ITPR1: variants seen among roughly 807,000 people sequenced by gnomAD.
ITPR1 encodes inositol 1,4,5-trisphosphate receptor type 1, also known as inositol 1,4,5-trisphosphate-gated calcium channel ITPR1.
ITPR1 carries 96 observed loss-of-function variants against 318.4 expected under a neutral mutation model. That is an observed-to-expected ratio of 0.30 (90% CI 0.26 to 0.36). ITPR1 has a LOEUF of 0.36. ITPR1 is among the 10% of genes least tolerant of loss of function. The pLI is 1.00. For missense variants in ITPR1, 2,440 were observed against 3,460.2 expected, an observed-to-expected ratio of 0.71 and a Z score of 7.40; for synonymous variants, 1,312 against 1,289.9, an observed-to-expected ratio of 1.02 and a Z score of -0.37.
rs570557733 is a variant in ITPR1, at chr3:4,636,898, T to C, written c.280-2486T>C. 2.0e-5 allele frequency among the ~76,000 whole-genome samples: 3 copies of C among 152,400 alleles called. No individual in the cohort carries two copies. The East Asian group carries it at 5.8e-4, about 29-fold the overall frequency. ...TGGAATATGCCTTCTTGATGGTTAATTTGACATTTCTTTCTAGATGAACCA... is the reference window on the plus strand; with the variant it reads ...TGGAATATGCCTTCTTGATGGTTAACTTGACATTTCTTTCTAGATGAACCA... On this transcript the variant is annotated intron_variant, in intron 5 of 61. Coordinates refer to ENST00000649015, the MANE Select transcript of ITPR1 (RefSeq NM_001378452.1).
intron 4 of ITPR1, among the ~76,000 whole-genome samples, chr3:4,588,972 G>A (rs1030577873): frequency 2.0e-5 from 3 of 152,114 alleles, no homozygotes; most frequent in South Asian, 2.1e-4. Flanking sequence ...GCTCTAAACC[G>A]TCATTGTGCT....
At chr3:4,629,374 C>A (rs1280149204) in intron 5 of ITPR1, among the ~76,000 whole-genome samples, 5 of 152,226 alleles carry the variant, frequency 3.3e-5, no homozygotes, top group Non-Finnish European at 7.4e-5. Context: ...GTCTTCCCCT[C>A]CCACCTTATC....
At chr3:4,677,808 G>A (rs1574819230) in intron 24 of ITPR1, among the ~76,000 whole-genome samples, 1 of 151,804 alleles carries the variant, frequency 6.6e-6, no homozygotes, top group African/African-American at 2.4e-5. Flanking sequence ...TGCTGTTTGG[G>A]GAGAGAATAA....
intron 59 of ITPR1, among the ~76,000 whole-genome samples, 173 bp downstream of exon 59, chr3:4,815,391 G>A (rs1223433984): frequency 6.6e-6 from 1 of 152,100 alleles, no homozygotes; most frequent in Non-Finnish European, 1.5e-5. Context: ...GCTCTCCTTG[G>A]CCTTTATTCT....
intron 15 of ITPR1, 151 bp from the exon 16 acceptor site, chr3:4,662,914 A>G (rs1046658106): frequency 1.7e-6 from 1 of 597,908 alleles, no homozygotes; most frequent in East Asian, 2.7e-5. Context: ...TCTCTTTGAT[A>G]CTTGGCTTCT....
chr3:4,679,465 G>A (rs904610972), intron 24 of ITPR1, among the ~76,000 whole-genome samples: 17 of 152,244 alleles, frequency 1.1e-4, no homozygotes, highest in African/African-American at 3.6e-4. Flanking sequence ...GCCAAAAGCC[G>A]GAGAACCTGG....
intron 60 of ITPR1, chr3:4,831,536 C>T (rs75584323): frequency 0.018 from 2,832 of 157,186 alleles, 87 homozygotes; most frequent in African/African-American, 0.064. Context: ...TCAGTGACCC[C>T]GTAATCCTCT....
intron 4 of ITPR1, among the ~76,000 whole-genome samples, chr3:4,620,735 C>A (rs1230998315): frequency 7.0e-6 from 1 of 143,648 alleles, no homozygotes; most frequent in Non-Finnish European, 1.5e-5. Context: ...TAGAAAGGGC[C>A]TTTTTCTGCT....
chr3:4,811,582 A>G, intron 56 of ITPR1, 122 bp downstream of exon 56: 3 of 718,680 alleles, frequency 4.2e-6, no homozygotes, highest in East Asian at 2.7e-5. Flanking sequence ...CCTAACACGC[A>G]GAGTGTGAAT....
At chr3:4,795,327 C>A in intron 53 of ITPR1, 140 bp downstream of exon 53, 2 of 683,716 alleles carry the variant, frequency 2.9e-6, no homozygotes, top group Non-Finnish European at 4.4e-6. Context: ...GAGATTGTAG[C>A]TGTTACCATA....
At chr3:4,713,037 C>T (rs1574973673) in intron 39 of ITPR1, among the ~76,000 whole-genome samples, 1 of 152,006 alleles carries the variant, frequency 6.6e-6, no homozygotes, top group East Asian at 1.9e-4. Context: ...ATGGCCTGTT[C>T]ATACCTGTAT....
intron 5 of ITPR1, among the ~76,000 whole-genome samples, chr3:4,636,931 T>C (rs964543379): frequency 2.6e-5 from 4 of 152,266 alleles, no homozygotes; most frequent in African/African-American, 9.6e-5. Flanking sequence ...CCAGTAACCA[T>C]TGCGTTGCTG....
At position 4,702,814 on chromosome 3, in the gene ITPR1, T is replaced by G; in HGVS notation, c.4537-16T>G. The G allele has an allele frequency of 6.2e-7, 1 of 1,612,496 alleles. No homozygotes were observed. Among genetic ancestry groups the G allele is most frequent in the Non-Finnish European group, 8.5e-7 (1 of 1,179,048 alleles). On this transcript the variant is annotated splice_polypyrimidine_tract_variant and intron_variant, in intron 35 of 61. Coordinates refer to ENST00000649015, the MANE Select transcript of ITPR1 (RefSeq NM_001378452.1). ...AAAAATCTGTTTTTCACGTTGCCTC[T>G]TTTGGCTTCTTGCAGACTCGCCAGC...
chr3:4,553,475 G>T (rs1343260315), intron 4 of ITPR1, among the ~76,000 whole-genome samples: 1 of 152,070 alleles, frequency 6.6e-6, no homozygotes, highest in African/African-American at 2.4e-5. Context: ...GTGTCACCCA[G>T]GCTGAAGTAC....
intron 5 of ITPR1, among the ~76,000 whole-genome samples, chr3:4,632,785 A>C (rs190540466): frequency 6.8e-4 from 103 of 152,276 alleles, no homozygotes; most frequent in Non-Finnish European, 1.2e-3. Context: ...GTTCAATCAT[A>C]AGGTGATCAA....
chr3:4,771,049 C>T (rs1320385241), intron 46 of ITPR1, among the ~76,000 whole-genome samples: 1 of 152,186 alleles, frequency 6.6e-6, no homozygotes, highest in African/African-American at 2.4e-5. Context: ...TGCCCCTGTA[C>T]TATTCCCCTA....
At chr3:4,751,756 C>A (rs1350720579) in intron 44 of ITPR1, among the ~76,000 whole-genome samples, 2 of 152,088 alleles carry the variant, frequency 1.3e-5, no homozygotes, top group African/African-American at 4.8e-5. Context: ...CTTTGGAAAT[C>A]TTCCAGCAGA....
rs1361689537 is a variant in ITPR1 at position 4,699,818 on chromosome 3, TAAC to T, written c.4418_4420del (p.Asn1473del). On this transcript the variant is annotated inframe_deletion, in exon 35 of 62. Coordinates refer to ENST00000649015, the MANE Select transcript of ITPR1 (RefSeq NM_001378452.1). Reference sequence around the variant, plus strand: ...CATACCCACTTGTCTTCCAGGCCTGTAACAACACTAGTGACAGGAAACATGCAG... The same window carrying T: ...CATACCCACTTGTCTTCCAGGCCTGTAACACTAGTGACAGGAAACATGCAG... The T allele has an allele frequency of 6.2e-7, 1 of 1,613,648 alleles. No homozygotes were observed. The highest frequency in any genetic ancestry group is 1.3e-5 in the African/African-American group (1 of 74,912).
chr3:4,672,824 C>T (rs1460819505), intron 20 of ITPR1, among the ~76,000 whole-genome samples: 9 of 152,156 alleles, frequency 5.9e-5, no homozygotes, highest in Admixed American at 1.3e-4. Flanking sequence ...GCATTCCCCC[C>T]GTTTATTTTA....
Sources: allele counts gnomAD v4.1 joint callset (sites outside exome capture counted in the v4.1 genomes callset), GRCh38; gene constraint gnomAD v4.1.1; transcripts MANE v1.5; gene names NCBI Gene and HGNC (gene_info 2026-07-23, HGNC 2026-07-21).